CRYBA4: variants seen among roughly 807,000 people sequenced by gnomAD.
The protein encoded by CRYBA4 is beta-crystallin A4.
A neutral mutation model predicts 31.7 loss-of-function variants in CRYBA4; 30 were observed. The observed-to-expected ratio is 0.95, with a 90% CI of 0.71 to 1.28. The LOEUF is 1.28. CRYBA4 is among the 50% of genes most tolerant of loss of function. The pLI, the probability that CRYBA4 is intolerant of heterozygous loss-of-function variation, is 0.00. For missense variants in CRYBA4, 225 were observed against 260.7 expected (o/e 0.86, Z 0.94); for synonymous variants, 102 against 102.3 (o/e 1.00, Z 0.02).
the CRYBA4 span, among the ~76,000 whole-genome samples, chr22:26,597,221 C>G: frequency 6.6e-6 from 1 of 152,164 alleles, no homozygotes; most frequent in African/African-American, 2.4e-5. Flanking sequence ...CCGTCCCACC[C>G]TGTGCTTCTG....
At chr22:26,610,003 A>G in the CRYBA4 span, among the ~76,000 whole-genome samples, 1 of 152,344 alleles carries the variant, frequency 6.6e-6, no homozygotes, top group Admixed American at 6.5e-5. Context: ...AGGAAACTGG[A>G]GGTCTAGGCT....
the CRYBA4 span, chr22:26,608,171 T>G: frequency 3.4e-6 from 4 of 1,161,074 alleles, no homozygotes; most frequent in Admixed American, 7.9e-5. Flanking sequence ...GGTTTGATTT[T>G]AGGCTCTGAC....
At chr22:26,601,288 A>G in the CRYBA4 span, among the ~76,000 whole-genome samples, 34 of 152,232 alleles carry the variant, frequency 2.2e-4, no homozygotes, top group East Asian at 5.8e-4. Context: ...TTCTCATGAC[A>G]TAAGGTCATG....
At chr22:26,629,734 CAAAAAAAAA>C (rs66906132) in intron 5 of CRYBA4, among the ~76,000 whole-genome samples, 1 of 80,600 alleles carries the variant, frequency 1.2e-5, no homozygotes, top group Non-Finnish European at 2.6e-5. Context: ...GACTCTGTCT[CAAAAAAAAA>C]AAAAAAAAAA....
chr22:26,618,880 C>G (rs561571502), upstream of CRYBA4, among the ~76,000 whole-genome samples: 1 of 152,168 alleles, frequency 6.6e-6, no homozygotes, highest in Non-Finnish European at 1.5e-5. Context: ...CCTGACCTAT[C>G]GACAGTGATC....
At chr22:26,610,122 T>C in the CRYBA4 span, among the ~76,000 whole-genome samples, 2 of 152,338 alleles carry the variant, frequency 1.3e-5, no homozygotes, top group East Asian at 3.9e-4. Context: ...TAAATGTTTA[T>C]ATCTATGCCT....
At chr22:26,593,248 C>A in the CRYBA4 span, among the ~76,000 whole-genome samples, 5 of 152,226 alleles carry the variant, frequency 3.3e-5, no homozygotes, top group Admixed American at 6.6e-5. Flanking sequence ...GAATATTTAT[C>A]AAAAGCAGGA....
At chr22:26,602,017 G>A in the CRYBA4 span, 6 of 1,613,552 alleles carry the variant, frequency 3.7e-6, no homozygotes, top group East Asian at 4.5e-5. Context: ...GTGCTCCTGG[G>A]CATCCTGGGG....
intron 5 of CRYBA4, among the ~76,000 whole-genome samples, chr22:26,629,043 CT>C (rs1446281722): frequency 3.3e-5 from 5 of 152,204 alleles, no homozygotes; most frequent in Non-Finnish European, 7.3e-5. Flanking sequence ...ATGAATGCCC[CT>C]AGCCATAAAA....
chr22:26,619,453 A>G (rs1404882301), upstream of CRYBA4, among the ~76,000 whole-genome samples: 1 of 152,174 alleles, frequency 6.6e-6, no homozygotes, highest in Non-Finnish European at 1.5e-5. Context: ...GGTCAGAAGG[A>G]GCCTGGGGAG....
chr22:26,614,864 A>G, the CRYBA4 span, among the ~76,000 whole-genome samples: 3 of 152,162 alleles, frequency 2.0e-5, no homozygotes, highest in African/African-American at 7.2e-5. Context: ...ATACATGTGT[A>G]TGTGTGTATA....
chr22:26,627,021 A>G lies in CRYBA4; in HGVS notation c.301-1267A>G, dbSNP rs78353054. Among the ~76,000 whole-genome samples the G allele has an allele frequency of 2.0e-3, 302 of 151,066 alleles. 1 individual carries two copies. Among genetic ancestry groups the G allele is most frequent in the African/African-American group, 6.6e-3 (273 of 41,494 alleles). ...AGCTCCCTAGTATTCTGTTTTGTGA[A>G]TAAGTCCATTTGTTCATTTATTCTG... On this transcript the variant is annotated intron_variant, in intron 4 of 5. Coordinates refer to ENST00000354760, the MANE Select transcript of CRYBA4 (RefSeq NM_001886.3).
the CRYBA4 span, chr22:26,616,442 C>G: frequency 1.3e-6 from 1 of 765,554 alleles, no homozygotes. Flanking sequence ...CGTTTCCTCT[C>G]TATCTCCTTC....
chr22:26,614,342 C>T, the CRYBA4 span, among the ~76,000 whole-genome samples: 1 of 152,176 alleles, frequency 6.6e-6, no homozygotes, highest in Non-Finnish European at 1.5e-5. Context: ...ATGTCTCCCC[C>T]GGACGCCCAG....
the CRYBA4 span, among the ~76,000 whole-genome samples, chr22:26,603,642 C>T: frequency 6.6e-6 from 1 of 152,094 alleles, no homozygotes; most frequent in South Asian, 2.1e-4. Context: ...CGGTGGCTCA[C>T]GCCTGTAATC....
At chr22:26,599,349 A>C in the CRYBA4 span, 1 of 733,230 alleles carries the variant, frequency 1.4e-6, no homozygotes, top group African/African-American at 1.8e-5. Context: ...CCCAGTAACT[A>C]TGGGGGACCT....
chr22:26,594,588 G>A, the CRYBA4 span, among the ~76,000 whole-genome samples: 3 of 152,178 alleles, frequency 2.0e-5, no homozygotes, highest in African/African-American at 7.2e-5. Context: ...TTTAAAGCCA[G>A]TGCTTAGGGA....
the CRYBA4 span, among the ~76,000 whole-genome samples, chr22:26,610,386 C>T: frequency 1.3e-5 from 2 of 152,168 alleles, no homozygotes; most frequent in African/African-American, 4.8e-5. Context: ...CAGACCCAGG[C>T]CCCCGGACCA....
At chr22:26,627,713 A>G (rs1362458828) in intron 4 of CRYBA4, among the ~76,000 whole-genome samples, 1 of 149,678 alleles carries the variant, frequency 6.7e-6, no homozygotes, top group East Asian at 2.0e-4. Context: ...CAATGCCACA[A>G]TCTCGGCTCA....
Sources: gnomAD v4.1 joint callset for allele counts (sites outside exome capture counted in the v4.1 genomes callset) on GRCh38, gnomAD v4.1.1 for gene constraint, MANE v1.5 for transcripts, NCBI Gene and HGNC (gene_info 2026-07-23, HGNC 2026-07-21) for gene names.